MEGF10: variants seen among roughly 807,000 people sequenced by gnomAD.
The protein encoded by MEGF10 is multiple epidermal growth factor-like domains protein 10.
MEGF10 carries 86 observed loss-of-function variants against 147.5 expected under a neutral mutation model. That is an observed-to-expected ratio of 0.58 (90% CI 0.49 to 0.70). The LOEUF is 0.70. MEGF10 is among the 30% of genes least tolerant of loss of function. MEGF10 has a pLI of 0.00. For synonymous variants in MEGF10, 478 were observed against 525.5 expected, an observed-to-expected ratio of 0.91 and a Z score of 1.24; for missense variants, 1,329 against 1,487.3, an observed-to-expected ratio of 0.89 and a Z score of 1.75.
intron 16 of MEGF10, 42 bp from the exon 17 acceptor site, chr5:127,438,397 G>A (rs1451455768): frequency 6.2e-7 from 1 of 1,605,850 alleles, no homozygotes; most frequent in South Asian, 1.1e-5. Context: ...CTTAGTATTG[G>A]CCTCAGAACT....
At chr5:127,449,949 C>T (rs759947986) in intron 22 of MEGF10, among the ~76,000 whole-genome samples, 2 of 152,074 alleles carry the variant, frequency 1.3e-5, no homozygotes, top group South Asian at 2.1e-4. Flanking sequence ...TAATAATAAT[C>T]ACATTTCATG....
chr5:127,367,168 A>T (rs567534781), intron 4 of MEGF10, among the ~76,000 whole-genome samples: 1 of 152,150 alleles, frequency 6.6e-6, no homozygotes, highest in Non-Finnish European at 1.5e-5. Context: ...TATATCAAAT[A>T]AGTAGTGTGT....
In MEGF10 at chr5:127,452,526, G is replaced by A. The variant is rs148561107; in HGVS notation, c.2981-2040G>A. Among the ~76,000 whole-genome samples, 624 of 152,266 alleles carry A rather than the reference G, an allele frequency of 4.1e-3. 9 individuals carry two copies. The highest frequency in any genetic ancestry group is 0.014 in the African/African-American group (591 of 41,558). On this transcript the variant is annotated intron_variant, in intron 22 of 24. Transcript: ENST00000503335. The stretch of plus-strand genomic sequence containing the variant: ...CTCAGGATCAACATTTTGCTACAAG[G>A]AGTCACTGAACTCACTGAATGGGCA...
Position 127,361,837 on chromosome 5 carries a change from G to A in MEGF10, c.320-8073G>A, listed in dbSNP as rs143007617. Among the ~76,000 whole-genome samples, 520 of 152,252 alleles carry A rather than the reference G, an allele frequency of 3.4e-3. 2 individuals carry two copies. In the Middle Eastern group the frequency reaches 0.061, roughly 18 times the overall value. ...TCCAAATATTTAGAAGGATTTTCCA[G>A]ATATCTTGCTGTTACTGATTTCTAA... On this transcript the variant is annotated intron_variant, in intron 4 of 24. Transcript: ENST00000503335.
chr5:127,292,387 C>T (rs1344907776), intron 1 of MEGF10, among the ~76,000 whole-genome samples: 2 of 152,188 alleles, frequency 1.3e-5, no homozygotes, highest in African/African-American at 4.8e-5. Context: ...GACTAACAAG[C>T]CTGACACATA....
chr5:127,329,489 T>A (rs1049877191), intron 1 of MEGF10, among the ~76,000 whole-genome samples: 1 of 152,214 alleles, frequency 6.6e-6, no homozygotes. Context: ...TGAATTTGAA[T>A]GATAAACTAT....
chr5:127,306,145 A>G (rs1286522785), intron 1 of MEGF10, among the ~76,000 whole-genome samples: 1 of 152,202 alleles, frequency 6.6e-6, no homozygotes, highest in East Asian at 1.9e-4. Context: ...TTTCTTGGCC[A>G]GGTTGTGCTA....
At chr5:127,319,122 C>CTGGAG (rs1399747365) in intron 1 of MEGF10, among the ~76,000 whole-genome samples, 1 of 150,044 alleles carries the variant, frequency 6.7e-6, no homozygotes, top group Non-Finnish European at 1.5e-5. Context: ...GTTGCCCAGG[C>CTGGAG]TGGAGTGCAG....
chr5:127,315,043 A>G (rs1760463710), intron 1 of MEGF10, among the ~76,000 whole-genome samples: 2 of 152,164 alleles, frequency 1.3e-5, no homozygotes, highest in Non-Finnish European at 1.5e-5. Context: ...GAGAGAATTT[A>G]TAATAAAGGC....
chr5:127,432,807 C>G (rs1765427873), intron 13 of MEGF10, among the ~76,000 whole-genome samples: 1 of 152,122 alleles, frequency 6.6e-6, no homozygotes, highest in South Asian at 2.1e-4. Flanking sequence ...CAATATCTCT[C>G]CAATGTCAGG....
chr5:127,373,803 C>T (rs1762929490), intron 5 of MEGF10, among the ~76,000 whole-genome samples: 1 of 152,120 alleles, frequency 6.6e-6, no homozygotes, highest in Admixed American at 6.5e-5. Flanking sequence ...GCAACCACTA[C>T]CTCTAAGGTG....
At chr5:127,357,143 G>A (rs1192680755) in intron 4 of MEGF10, among the ~76,000 whole-genome samples, 1 of 152,178 alleles carries the variant, frequency 6.6e-6, no homozygotes, top group Non-Finnish European at 1.5e-5. Flanking sequence ...GAAAGGGAAA[G>A]CTTTAGTTGA....
chr5:127,438,312 C>T, intron 16 of MEGF10, 127 bp from the exon 17 acceptor site: 1 of 1,039,076 alleles, frequency 9.6e-7, no homozygotes, highest in Non-Finnish European at 1.4e-6. Flanking sequence ...GAGCAGTGTG[C>T]TTTCTTAGTC....
chr5:127,333,614 C>G (rs573146816), intron 2 of MEGF10, among the ~76,000 whole-genome samples: 286 of 152,270 alleles, frequency 1.9e-3, no homozygotes, highest in African/African-American at 6.5e-3. Context: ...GTCCTGCTTC[C>G]CTGGTCAGCA....
chr5:127,306,299 GAGA>G, intron 1 of MEGF10, among the ~76,000 whole-genome samples: 1 of 152,140 alleles, frequency 6.6e-6, no homozygotes. Flanking sequence ...TGTCACTGCT[GAGA>G]AGGATGGCAA....
chr5:127,455,331 T>C, intron 23 of MEGF10, 70 bp from the exon 24 acceptor site: 1 of 1,316,162 alleles, frequency 7.6e-7, no homozygotes, highest in African/African-American at 1.5e-5. Flanking sequence ...AGAAAAACAG[T>C]AAAATATCAC....
the MEGF10 span, among the ~76,000 whole-genome samples, chr5:127,239,323 A>G: frequency 6.6e-6 from 1 of 150,758 alleles, no homozygotes; most frequent in Non-Finnish European, 1.5e-5. Flanking sequence ...AGCAATAATT[A>G]TATGCTGGTT....
At position 127,291,053 on chromosome 5, in the gene MEGF10, C is replaced by G. The variant is rs992957326; in HGVS notation, c.-22C>G. The G allele has an allele frequency of 1.3e-5, 2 of 152,234 alleles. No individual in the cohort carries two copies. The highest frequency in any genetic ancestry group is 4.8e-5 in the African/African-American group (2 of 41,442). 9.4% of individuals were successfully genotyped at this position (152,234 alleles called of 1,614,324 possible). ...GCTGCGATTCTCAAGATCTCTGGAC[C>G]TGGGTAAGAGTTGGGCAAACTCAAC... On this transcript the variant is annotated 5_prime_UTR_variant, in exon 1 of 25. Coordinates refer to ENST00000503335, the MANE Select transcript of MEGF10 (RefSeq NM_001256545.2).
intron 4 of MEGF10, among the ~76,000 whole-genome samples, chr5:127,368,790 C>A (rs964059702): frequency 6.6e-6 from 1 of 151,928 alleles, no homozygotes; most frequent in East Asian, 1.9e-4. Flanking sequence ...TAAATATACA[C>A]CTTAGTGCAT....
Sources: allele counts gnomAD v4.1 joint callset (sites outside exome capture counted in the v4.1 genomes callset), GRCh38; gene constraint gnomAD v4.1.1; transcripts MANE v1.5; gene names NCBI Gene and HGNC (gene_info 2026-07-23, HGNC 2026-07-21).